Variants in NAV1 observed in about 807,000 individuals in gnomAD.
NAV1 encodes neuron navigator 1, also known as pore membrane and/or filament interacting like protein 3.
Under a neutral mutation model 175.2 loss-of-function variants are expected in NAV1, and 18 were observed. The ratio of observed to expected loss-of-function variants is 0.10; its 90% CI spans 0.07 to 0.15. NAV1 has a LOEUF of 0.15. Ranked by LOEUF, NAV1 falls within the 10% of genes least tolerant of loss-of-function variation. NAV1 has a pLI of 1.00. For synonymous variants in NAV1, 897 were observed against 978.7 expected, an observed-to-expected ratio of 0.92 and a Z score of 1.56; for missense variants, 1,731 against 2,436.6, an observed-to-expected ratio of 0.71 and a Z score of 6.10.
At chr1:201,826,344 C>T (rs964577225) in exon 30 of NAV1, 1 of 152,216 alleles carries the variant, frequency 6.6e-6, no homozygotes, top group Non-Finnish European at 1.5e-5. Flanking sequence ...GGCAGAGCTA[C>T]CATATCGCAG....
chr1:201,746,483 C>A (rs1031241737), intron 3 of NAV1, among the ~76,000 whole-genome samples: 1 of 152,150 alleles, frequency 6.6e-6, no homozygotes, highest in Admixed American at 6.5e-5. Flanking sequence ...TTCTGTTAAT[C>A]ACTAAAAACA....
intron 3 of NAV1, among the ~76,000 whole-genome samples, chr1:201,753,952 G>T (rs1396072917): frequency 6.6e-6 from 1 of 152,198 alleles, no homozygotes; most frequent in Non-Finnish European, 1.5e-5. Flanking sequence ...GATGGCAGAT[G>T]ACTACCCAAA....
chr1:201,602,652 T>TTTTTTTTTTTTTGG (rs1667552421), intron 2 of NAV1, among the ~76,000 whole-genome samples: 1 of 94,390 alleles, frequency 1.1e-5, no homozygotes, highest in Non-Finnish European at 2.2e-5. Context: ...TTTTTTTTGG[T>TTTTTTTTTTTTTGG]TTTTTTTTTT....
intron 28 of NAV1, among the ~76,000 whole-genome samples, chr1:201,814,194 C>A (rs1678879675): frequency 6.6e-6 from 1 of 151,862 alleles, no homozygotes; most frequent in Admixed American, 6.6e-5. Context: ...ACATGGGAGA[C>A]CCTGTCTATA....
At chr1:201,573,294 A>G (rs1270992934) in intron 1 of NAV1, among the ~76,000 whole-genome samples, 2 of 151,510 alleles carry the variant, frequency 1.3e-5, no homozygotes, top group African/African-American at 4.9e-5. Context: ...AGTCCAGATA[A>G]TGTTTCATCT....
intron 2 of NAV1, among the ~76,000 whole-genome samples, chr1:201,715,077 A>G (rs1571902475): frequency 6.6e-6 from 1 of 152,168 alleles, no homozygotes; most frequent in East Asian, 1.9e-4. Flanking sequence ...CTGTGGACCT[A>G]GAGCCACTTC....
At chr1:201,615,703 T>A (rs1667983970) in intron 2 of NAV1, among the ~76,000 whole-genome samples, 1 of 152,242 alleles carries the variant, frequency 6.6e-6, no homozygotes, top group African/African-American at 2.4e-5. Context: ...ACTTAACTTT[T>A]CTAAAGCCAC....
intron 1 of NAV1, among the ~76,000 whole-genome samples, chr1:201,681,633 A>T (rs1328416933): frequency 6.6e-6 from 1 of 152,048 alleles, no homozygotes; most frequent in Admixed American, 6.6e-5. Flanking sequence ...GCCTGGAAAC[A>T]CCTACTTCCT....
At chr1:201,720,513 C>T (rs1672337515) in intron 3 of NAV1, among the ~76,000 whole-genome samples, 1 of 152,212 alleles carries the variant, frequency 6.6e-6, no homozygotes. Context: ...ATGGCCATGG[C>T]AGAAAATACC....
upstream of NAV1, among the ~76,000 whole-genome samples, chr1:201,646,337 C>G (rs1394482838): frequency 3.9e-5 from 6 of 152,218 alleles, no homozygotes; most frequent in Non-Finnish European, 7.3e-5. Flanking sequence ...CTCTTGTAAA[C>G]CTGTCCTCCA....
At chr1:201,650,130 T>C (rs1360261884) in intron 1 of NAV1, among the ~76,000 whole-genome samples, 1 of 152,222 alleles carries the variant, frequency 6.6e-6, no homozygotes, top group Non-Finnish European at 1.5e-5. Context: ...AGACTCCTGT[T>C]TGACCGGGAA....
chr1:201,596,877 G>C (rs1667362992), intron 2 of NAV1, among the ~76,000 whole-genome samples: 2 of 152,160 alleles, frequency 1.3e-5, no homozygotes, highest in Non-Finnish European at 2.9e-5. Context: ...CCAGGCTGGA[G>C]TGCAATGGCG....
At chr1:201,669,301 G>T (rs1558052411) in intron 1 of NAV1, among the ~76,000 whole-genome samples, 2 of 152,238 alleles carry the variant, frequency 1.3e-5, no homozygotes, top group African/African-American at 4.8e-5. Flanking sequence ...GATTAGAGAG[G>T]CTGGGCCAGG....
At chr1:201,783,960 T>A (rs974604596) in intron 7 of NAV1, 108 bp downstream of exon 11, 13 of 1,000,262 alleles carry the variant, frequency 1.3e-5, no homozygotes, top group Admixed American at 2.6e-5. Flanking sequence ...CTTTTGACAT[T>A]TTTTCACATA....
chr1:201,568,995 C>T (rs1666450821), intron 1 of NAV1, among the ~76,000 whole-genome samples: 1 of 152,112 alleles, frequency 6.6e-6, no homozygotes, highest in African/African-American at 2.4e-5. Flanking sequence ...CAAGGTGGGG[C>T]CTTCTCAGCT....
At chr1:201,631,388 A>T (rs1210228866) in intron 2 of NAV1, among the ~76,000 whole-genome samples, 1 of 152,238 alleles carries the variant, frequency 6.6e-6, no homozygotes, top group African/African-American at 2.4e-5. Flanking sequence ...TCTCACTCCC[A>T]AAGTCACTTG....
At chr1:201,652,932 G>A (rs1669262375) in intron 1 of NAV1, among the ~76,000 whole-genome samples, 1 of 152,076 alleles carries the variant, frequency 6.6e-6, no homozygotes, top group South Asian at 2.1e-4. Context: ...TACCTTAAAC[G>A]TGCTCAGAAC....
chr1:201,574,265 C>CAGAG (rs992092509), intron 1 of NAV1, among the ~76,000 whole-genome samples: 1 of 152,116 alleles, frequency 6.6e-6, no homozygotes, highest in African/African-American at 2.4e-5. Context: ...TAAATCCCCA[C>CAGAG]AGAGAGAGTC....
intron 8 of NAV1, 79 bp downstream of exon 12, chr1:201,785,430 A>G: frequency 6.9e-7 from 1 of 1,442,194 alleles, no homozygotes; most frequent in South Asian, 1.2e-5. Flanking sequence ...AACCTGTCCA[A>G]GGCTCCAGTC....
Sources: gnomAD v4.1 joint callset for allele counts (sites outside exome capture counted in the v4.1 genomes callset) on GRCh38, gnomAD v4.1.1 for gene constraint, MANE v1.5 for transcripts, NCBI Gene and HGNC (gene_info 2026-07-23, HGNC 2026-07-21) for gene names.